Variants in PTPRCAP observed in about 807,000 individuals in gnomAD.
PTPRCAP encodes protein tyrosine phosphatase receptor type C-associated protein.
For synonymous variants in PTPRCAP, 136 were observed against 135.8 expected (o/e 1.00, Z -0.01); for missense variants, 294 against 285.5 (o/e 1.03, Z -0.22).
rs770190358 is a variant in PTPRCAP, at chr11:67,436,269, C to T, written c.85G>A (p.Val29Met). Reference sequence around the variant, plus strand: ...ACAACGGTGACAGAGCTGGAGCCCACGCTGTCCTCCGCGCTGCCACCCGAG... The same window carrying T: ...ACAACGGTGACAGAGCTGGAGCCCATGCTGTCCTCCGCGCTGCCACCCGAG... ...LGSGGSAEDS[V>M]GSSSVTVVLL... The change falls in exon 2 of 2, where the codon GTG becomes ATG. Residue 29 changes from valine to methionine, a missense_variant. Coordinates refer to ENST00000326294, the MANE Select transcript of PTPRCAP (RefSeq NM_005608.3). 16 of 1,540,678 alleles carry T rather than the reference C, an allele frequency of 1.0e-5. No individual in the cohort carries two copies. The highest frequency in any genetic ancestry group is 7.3e-5 in the East Asian group (3 of 41,040).
Position 67,435,583 on chromosome 11 carries a change from C to A in PTPRCAP, c.*150G>T. 8.2e-7 allele frequency: 1 copy of A among 1,212,298 alleles called. No individual in the cohort carries two copies. Among genetic ancestry groups the A allele is most frequent in the Non-Finnish European group, 1.1e-6 (1 of 893,850 alleles). 75.1% of individuals were successfully genotyped at this position (1,212,298 alleles called of 1,614,324 possible). On this transcript the variant is annotated 3_prime_UTR_variant, in exon 2 of 2. Transcript: ENST00000326294. The stretch of plus-strand genomic sequence containing the variant: ...TGGGGGGGGCCGTTCCCGTGGTGAG[C>A]GGGGTACACATGGACTTGGGAACTG...
chr11:67,436,570 A>C, intron 1 of PTPRCAP: 1 of 460,768 alleles, frequency 2.2e-6, no homozygotes, highest in Non-Finnish European at 3.7e-6. Context: ...ACCTCCCCCA[A>C]CAGCTGCATT....
chr11:67,435,799 G>T lies in PTPRCAP; in HGVS notation c.555C>A (p.Gly185=). 6.3e-7 allele frequency: 1 copy of T among 1,593,742 alleles called. No individual in the cohort carries two copies. Residue 185 remains glycine, a synonymous_variant, in exon 2 of 2, where the codon GGC becomes GGA. Coordinates refer to ENST00000326294, the MANE Select transcript of PTPRCAP (RefSeq NM_005608.3). ...TGGCGCTGTCATCCCAGGCTGCGCT[G>T]CCAGCAAAGGCGTGCAGGTCACTCA... The part of the protein sequence containing the change: ...ALLSDLHAFA[G]SAAWDDSARA...
In PTPRCAP at chr11:67,435,796, G is replaced by T; in HGVS notation, c.558C>A (p.Ser186Arg). ...CCCTGGCGCTGTCATCCCAGGCTGC[G>T]CTGCCAGCAAAGGCGTGCAGGTCAC... is the stretch of plus-strand genomic sequence containing the variant. ...LLSDLHAFAG[S>R]AAWDDSARAA... The change falls in exon 2 of 2, where the codon AGC (serine) becomes AGA (arginine). Residue 186 changes from serine to arginine, a missense_variant. By Grantham distance (110) the Ser-to-Arg change is moderately radical (BLOSUM62 -1). Coordinates refer to ENST00000326294, the MANE Select transcript of PTPRCAP (RefSeq NM_005608.3). 6.3e-7 allele frequency: 1 copy of T among 1,592,084 alleles called. No individual in the cohort carries two copies. Among genetic ancestry groups the T allele is most frequent in the Non-Finnish European group, 8.6e-7 (1 of 1,169,404 alleles).
intron 1 of PTPRCAP, 137 bp from the exon 2 acceptor site, chr11:67,436,487 G>C: frequency 1.9e-6 from 2 of 1,026,374 alleles, no homozygotes; most frequent in South Asian, 1.9e-5. Context: ...AAAAGGCCAA[G>C]GCCTTATTTG....
rs755233343 is a variant in PTPRCAP, at chr11:67,435,736, C to T, written c.618G>A (p.Leu206=). 5 of 1,527,082 alleles carry T rather than the reference C, an allele frequency of 3.3e-6. No individual in the cohort carries two copies. Among genetic ancestry groups the T allele is most frequent in the African/African-American group, 2.8e-5 (2 of 72,618 alleles). 94.6% of individuals were successfully genotyped at this position (1,527,082 alleles called of 1,614,324 possible). A position where few individuals can be genotyped will look rare whatever the true frequency, so the allele number is the denominator to read the frequency against. ...AGGQGLHVTA[L] is the part of the protein sequence containing the mutation. ...GATGGGACACCAAGACCGGCCTCTACAGTGCGGTGACATGGAGGCCCTGGC... is the reference window on the plus strand; with the variant it reads ...GATGGGACACCAAGACCGGCCTCTATAGTGCGGTGACATGGAGGCCCTGGC... The change falls in exon 2 of 2, where the codon CTG becomes CTA. Residue 206 remains leucine, a synonymous_variant. Coordinates refer to ENST00000326294, the MANE Select transcript of PTPRCAP (RefSeq NM_005608.3).
At position 67,437,604 on chromosome 11, in the gene PTPRCAP, C is replaced by G. The variant is rs753678445; in HGVS notation, c.3+13G>C. 30 of 1,358,474 alleles carry G rather than the reference C, an allele frequency of 2.2e-5. No individual in the cohort carries two copies. In the East Asian group the frequency reaches 7.5e-4, roughly 34 times the overall value. 84.2% of individuals were successfully genotyped at this position (1,358,474 alleles called of 1,614,324 possible). On this transcript the variant is annotated intron_variant, in intron 1 of 1. Transcript: ENST00000326294. Reference sequence around the variant, plus strand: ...GCCCCCATCCCAAGAACCCGGGGGGCTCCGAGGCTTACCATTGGTCCGCAG... The same window carrying G: ...GCCCCCATCCCAAGAACCCGGGGGGGTCCGAGGCTTACCATTGGTCCGCAG...
chr11:67,437,275 T>C (rs1864306267), intron 1 of PTPRCAP: 1 of 267,118 alleles, frequency 3.7e-6, no homozygotes, highest in Middle Eastern at 9.9e-4. Flanking sequence ...GTGGGGGGTG[T>C]CGGGGGAGGG....
intron 1 of PTPRCAP, chr11:67,436,908 T>G (rs1864295899): frequency 6.6e-6 from 1 of 151,670 alleles, no homozygotes; most frequent in Non-Finnish European, 1.5e-5. Flanking sequence ...TAGTAGGTGC[T>G]CAATAAGTAT....
In PTPRCAP at chr11:67,436,083, G is replaced by A; in HGVS notation, c.271C>T (p.Leu91=). ...GACCCCAGCTCAGCTCGGGCCTGCAGCCAGCGACCTGGGGGGCTGGCCCAG... is the reference window on the plus strand; with the variant it reads ...GACCCCAGCTCAGCTCGGGCCTGCAACCAGCGACCTGGGGGGCTGGCCCAG... ...LLWASPPGRW[L]QARAELGSTD... Residue 91 remains leucine (L), a synonymous_variant, in exon 2 of 2, where the codon CTG becomes TTG. Coordinates refer to ENST00000326294, the MANE Select transcript of PTPRCAP (RefSeq NM_005608.3). 3 of 1,611,908 alleles carry A rather than the reference G, an allele frequency of 1.9e-6. No individual in the cohort carries two copies. The highest frequency in any genetic ancestry group is 2.2e-5 in the East Asian group (1 of 44,840).
rs1864314268 is a variant in PTPRCAP, at chr11:67,437,661, C to T, written c.-42G>A. ...CCGTGCCGGGCACCCACCTCCAGCT[C>T]TGGCTGTGTCGAGCGAGAAGTGAGC... On this transcript the variant is annotated 5_prime_UTR_variant, in exon 1 of 2. Transcript: ENST00000326294. 2 of 1,355,908 alleles carry T rather than the reference C, an allele frequency of 1.5e-6. No homozygotes were observed. Among genetic ancestry groups the T allele is most frequent in the South Asian group, 2.2e-5 (1 of 45,516 alleles). The allele number at this position is 1,355,908 out of a possible 1,614,324, so 84.0% of individuals were successfully genotyped here. A position where few individuals can be genotyped will look rare whatever the true frequency, so the allele number is the denominator to read the frequency against.
chr11:67,435,525 T>A lies in PTPRCAP; in HGVS notation c.*208A>T. The A allele has an allele frequency of 1.3e-6, 1 of 741,102 alleles. No individual in the cohort carries two copies. Among genetic ancestry groups the A allele is most frequent in the Non-Finnish European group, 2.1e-6 (1 of 484,054 alleles). 45.9% of individuals were successfully genotyped at this position (741,102 alleles called of 1,614,324 possible). ...ACCACAGGGCCACAGGCTGAAGGAG[T>A]TTTATTTCAAATGGTTGCCTGATGC... On this transcript the variant is annotated 3_prime_UTR_variant, in exon 2 of 2. Transcript: ENST00000326294.
At position 67,436,029 on chromosome 11, in the gene PTPRCAP, C is replaced by T; in HGVS notation, c.325G>A (p.Asp109Asn). ...TGGTCATAGTCTGTGTCCTGCTCATCCTCCTGTCGCTCAAGGTCATTGTCT... is the reference window on the plus strand; with the variant it reads ...TGGTCATAGTCTGTGTCCTGCTCATTCTCCTGTCGCTCAAGGTCATTGTCT... The part of the protein sequence containing the change: ...STDNDLERQE[D>N]EQDTDYDHVA... Residue 109 changes from aspartate (D) to asparagine (N), a missense_variant, in exon 2 of 2, where the codon GAT (aspartate) becomes AAT (asparagine). Asp to Asn is a conservative substitution (Grantham distance 23). Coordinates refer to ENST00000326294, the MANE Select transcript of PTPRCAP (RefSeq NM_005608.3). The T allele has an allele frequency of 6.2e-7, 1 of 1,613,682 alleles. No individual in the cohort carries two copies. The highest frequency in any genetic ancestry group is 8.5e-7 in the Non-Finnish European group (1 of 1,179,878).
rs1864246907 is a variant in PTPRCAP, at chr11:67,435,559, G to T, written c.*174C>A. The T allele has an allele frequency of 1.1e-6, 1 of 885,830 alleles. No homozygotes were observed. Among genetic ancestry groups the T allele is most frequent in the Non-Finnish European group, 1.5e-6 (1 of 651,710 alleles). 54.9% of individuals were successfully genotyped at this position (885,830 alleles called of 1,614,324 possible). On this transcript the variant is annotated 3_prime_UTR_variant, in exon 2 of 2. Transcript: ENST00000326294. ...AAATGGTTGCCTGATGCCTGTGGTT[G>T]GGGGGGGCCGTTCCCGTGGTGAGCG...
intron 1 of PTPRCAP, 52 bp downstream of exon 1, chr11:67,437,565 C>T (rs948957916): frequency 6.1e-5 from 82 of 1,338,234 alleles, no homozygotes; most frequent in Non-Finnish European, 7.7e-5. Context: ...ACATTCTAGC[C>T]CCGACCGCCT....
At chr11:67,437,587 C>G (rs1417201027) in intron 1 of PTPRCAP, 30 bp downstream of exon 1, 5 of 1,347,170 alleles carry the variant, frequency 3.7e-6, no homozygotes, top group Non-Finnish European at 4.8e-6. Context: ...TGGCCCCCAT[C>G]CCAAGAACCC....
At chr11:67,437,052 G>A (rs1303499309) in intron 1 of PTPRCAP, 1 of 152,292 alleles carries the variant, frequency 6.6e-6, no homozygotes, top group East Asian at 1.9e-4. Flanking sequence ...GATGCACCCA[G>A]AGGCAACTGC....
chr11:67,436,464 G>C, intron 1 of PTPRCAP, 114 bp from the exon 2 acceptor site: 2 of 1,253,276 alleles, frequency 1.6e-6, no homozygotes, highest in South Asian at 3.4e-5. Context: ...ATCCTCTTGG[G>C]ACAGCCAAGC....
intron 1 of PTPRCAP, chr11:67,436,894 A>G (rs1013047606): frequency 2.0e-5 from 3 of 151,578 alleles, no homozygotes; most frequent in African/African-American, 7.3e-5. Context: ...TGGGTCAAGC[A>G]TGTTAGTAGG....
Sources: allele counts gnomAD v4.1 joint callset, GRCh38; gene constraint gnomAD v4.1.1; transcripts MANE v1.5; gene names NCBI Gene and HGNC (gene_info 2026-07-23, HGNC 2026-07-21).